Variants in MAP6 observed in about 807,000 individuals in gnomAD.
The protein encoded by MAP6 is microtubule associated protein 6, also known as microtubule-associated protein 6.
In MAP6, 26 loss-of-function variants were observed where a neutral mutation model predicts 42.4. The observed-to-expected ratio is 0.61, with a 90% CI of 0.45 to 0.85. The LOEUF (loss-of-function observed/expected upper bound fraction) is 0.85. Among genes scored for constraint, MAP6 ranks in the 40% least tolerant of loss-of-function variants. MAP6 has a pLI of 0.00. For missense variants in MAP6, 966 were observed against 1,099.0 expected (o/e 0.88, Z 1.71); for synonymous variants, 418 against 443.8 (o/e 0.94, Z 0.73).
At chr11:75,607,728 G>A in intron 2 of MAP6, 1 of 958,382 alleles carries the variant, frequency 1.0e-6, no homozygotes, top group Non-Finnish European at 1.2e-6. Context: ...GGGGAGCCGG[G>A]CATGGGGGCC....
In MAP6 at chr11:75,605,496, G is replaced by A. The variant is rs899944050; in HGVS notation, c.1316+312C>T. On this transcript the variant is annotated intron_variant, in intron 3 of 3. Transcript: ENST00000304771. ...ACTTCCAAGCACTGCCGGGAGATTC[G>A]TTTCGCCTCTCAGACCTGCCTGCCT... is the stretch of plus-strand genomic sequence containing the variant. 12 of 1,134,480 alleles carry A rather than the reference G, an allele frequency of 1.1e-5. No homozygotes were observed. In the African/African-American group the frequency reaches 1.1e-4, roughly 11 times the overall value. The allele number at this position is 1,134,480 out of a possible 1,614,324, so 70.3% of individuals were successfully genotyped here.
At chr11:75,629,317 G>A (rs1454707872) in intron 1 of MAP6, among the ~76,000 whole-genome samples, 1 of 151,972 alleles carries the variant, frequency 6.6e-6, no homozygotes, top group African/African-American at 2.4e-5. Context: ...CCAACTCCTG[G>A]TCTCAAGTGA....
At chr11:75,599,604 C>T (rs776307655) in intron 3 of MAP6, among the ~76,000 whole-genome samples, 7 of 152,118 alleles carry the variant, frequency 4.6e-5, no homozygotes, top group Admixed American at 3.3e-4. Flanking sequence ...AGTTTGTATC[C>T]GGGTCCCAAG....
At chr11:75,602,842 G>A in intron 3 of MAP6, 1 of 985,510 alleles carries the variant, frequency 1.0e-6, no homozygotes, top group Non-Finnish European at 1.2e-6. Context: ...CCTCACCAAG[G>A]AAATAAGATC....
intron 1 of MAP6, among the ~76,000 whole-genome samples, chr11:75,610,643 T>C (rs540254848): frequency 1.3e-5 from 2 of 152,230 alleles, no homozygotes; most frequent in South Asian, 4.1e-4. Flanking sequence ...CAGGTTAGTT[T>C]TGGAAAGAGA....
intron 1 of MAP6, among the ~76,000 whole-genome samples, chr11:75,661,124 A>G (rs1943836902): frequency 1.3e-5 from 2 of 152,134 alleles, no homozygotes. Flanking sequence ...ACATTTTTCC[A>G]GAAAAAAATA....
intron 1 of MAP6, among the ~76,000 whole-genome samples, chr11:75,659,427 A>G (rs1038307318): frequency 8.5e-5 from 13 of 152,224 alleles, no homozygotes; most frequent in African/African-American, 2.9e-4. Context: ...GGTTGCAGTG[A>G]GCCAAGATGG....
chr11:75,609,012 G>A (rs542877806), intron 1 of MAP6, among the ~76,000 whole-genome samples: 6 of 152,344 alleles, frequency 3.9e-5, no homozygotes, highest in Admixed American at 2.6e-4. Context: ...GTTGGGCTGT[G>A]TGTGTGTAGG....
At chr11:75,651,554 G>A (rs1288538382) in intron 1 of MAP6, among the ~76,000 whole-genome samples, 1 of 152,054 alleles carries the variant, frequency 6.6e-6, no homozygotes, top group Non-Finnish European at 1.5e-5. Context: ...TTGTAGCCCC[G>A]AAGGGAACCC....
In MAP6 at chr11:75,667,310, C is replaced by G. The variant is rs1031487038; in HGVS notation, c.905+155G>C. Among the ~76,000 whole-genome samples the G allele has an allele frequency of 2.0e-5, 3 of 152,208 alleles. No individual in the cohort carries two copies. The highest frequency in any genetic ancestry group is 4.4e-5 in the Non-Finnish European group (3 of 68,038). ...GACAGGGCAGAAGAGAAGGCTTCGA[C>G]AGGAGGTGGCCTGGGAGGCGGCTGG... On this transcript the variant is annotated intron_variant, in intron 1 of 3. Transcript: ENST00000304771. This position sits in a 1 kb window ranked among gnomAD's most constrained non-coding sequence, Gnocchi z 5.6.
At chr11:75,608,887 C>G (rs1398354567) in intron 1 of MAP6, among the ~76,000 whole-genome samples, 1 of 152,192 alleles carries the variant, frequency 6.6e-6, no homozygotes, top group Non-Finnish European at 1.5e-5. Context: ...AGGGCCAGAA[C>G]TTTAACAATC....
chr11:75,665,607 G>T (rs1044011128), intron 1 of MAP6, among the ~76,000 whole-genome samples: 2 of 152,196 alleles, frequency 1.3e-5, no homozygotes, highest in South Asian at 4.1e-4. Context: ...AGGGTAGGAA[G>T]ATCAAGAAAT....
At chr11:75,663,900 G>C (rs1943898878) in intron 1 of MAP6, among the ~76,000 whole-genome samples, 1 of 152,200 alleles carries the variant, frequency 6.6e-6, no homozygotes, top group African/African-American at 2.4e-5. Context: ...TATTTTTCAA[G>C]TATTTCACCC....
Position 75,588,041 on chromosome 11 carries a change from G to A in MAP6, c.1460C>T (p.Ser487Phe). The A allele has an allele frequency of 6.2e-7, 1 of 1,614,062 alleles. No homozygotes were observed. The highest frequency in any genetic ancestry group is 2.2e-5 in the East Asian group (1 of 44,880). The change falls in exon 4 of 4, where the codon TCT becomes TTT. Residue 487 changes from serine to phenylalanine, a missense_variant. By Grantham distance (155) the Ser-to-Phe change is radical (BLOSUM62 -2). Around this residue, in one of 2 missense-constraint regions of MAP6, gnomAD observed 943 missense variants for 1,049.9 expected, o/e 0.90. Coordinates refer to ENST00000304771, the MANE Select transcript of MAP6 (RefSeq NM_033063.2). ...MVQEPLKKQG[S>F]VVPGPPKDLG... ...ATCCTTTGGAGGCCCTGGGACCACAGAACCTTGCTTCTTCAGAGGCTCTTG... is the reference window on the plus strand; with the variant it reads ...ATCCTTTGGAGGCCCTGGGACCACAAAACCTTGCTTCTTCAGAGGCTCTTG...
intron 2 of MAP6, among the ~76,000 whole-genome samples, chr11:75,606,418 TGA>T (rs925372466): frequency 1.3e-5 from 2 of 152,020 alleles, no homozygotes; most frequent in African/African-American, 4.8e-5. Flanking sequence ...GCGGAAAATT[TGA>T]GAGTCAGCCT....
At chr11:75,624,403 A>G (rs1943162070) in intron 1 of MAP6, among the ~76,000 whole-genome samples, 1 of 152,124 alleles carries the variant, frequency 6.6e-6, no homozygotes, top group South Asian at 2.1e-4. Context: ...GGTGGGCGGC[A>G]CTTACATGCA....
intron 1 of MAP6, among the ~76,000 whole-genome samples, chr11:75,624,867 T>C (rs959048115): frequency 2.0e-5 from 3 of 152,104 alleles, no homozygotes; most frequent in African/African-American, 7.2e-5. Flanking sequence ...TCAGCCTACA[T>C]AGTAAGCATT....
intron 2 of MAP6, chr11:75,607,635 G>A: frequency 1.0e-6 from 1 of 985,400 alleles, no homozygotes. Context: ...ATGAGAGAGG[G>A]CAGGTGCTTT....
At chr11:75,656,833 T>A (rs1943757004) in intron 1 of MAP6, among the ~76,000 whole-genome samples, 1 of 152,196 alleles carries the variant, frequency 6.6e-6, no homozygotes, top group Admixed American at 6.5e-5. Flanking sequence ...GAGAATAACG[T>A]CCATAAGTCT....
Sources: allele counts gnomAD v4.1 joint callset (sites outside exome capture counted in the v4.1 genomes callset), GRCh38; gene constraint gnomAD v4.1.1; regional missense constraint gnomAD v4.1.1; non-coding constraint Gnocchi (gnomAD v3.1); transcripts MANE v1.5; gene names NCBI Gene and HGNC (gene_info 2026-07-23, HGNC 2026-07-21).